NDRG4: variants seen among roughly 807,000 people sequenced by gnomAD.
The protein encoded by NDRG4 is protein NDRG4.
A neutral mutation model predicts 55.8 loss-of-function variants in NDRG4; 38 were observed. The ratio of observed to expected loss-of-function variants is 0.68; its 90% CI spans 0.53 to 0.89. The LOEUF is 0.89. Among genes scored for constraint, NDRG4 ranks in the 40% least tolerant of loss-of-function variants. NDRG4 has a pLI of 0.00. For synonymous variants in NDRG4, 190 were observed against 182.7 expected (o/e 1.04, Z -0.32); for missense variants, 455 against 468.6 (o/e 0.97, Z 0.27).
intron 10 of NDRG4, among the ~76,000 whole-genome samples, chr16:58,508,413 C>T (rs761734369): frequency 1.3e-5 from 2 of 152,220 alleles, no homozygotes; most frequent in East Asian, 1.9e-4. Context: ...GTTTGGGGGC[C>T]GTGTGTCACC....
chr16:58,464,090 C>G lies in NDRG4; in HGVS notation c.-24+293C>G. 3.8e-6 allele frequency: 1 copy of G among 266,492 alleles called. No homozygotes were observed. The highest frequency in any genetic ancestry group is 7.0e-6 in the Non-Finnish European group (1 of 142,602). 16.5% of individuals were successfully genotyped at this position (266,492 alleles called of 1,614,324 possible). A position where few individuals can be genotyped will look rare whatever the true frequency, so the allele number is the denominator to read the frequency against. On this transcript the variant is annotated intron_variant, in intron 1 of 15. Coordinates refer to the NDRG4 transcript ENST00000258187. This position sits in a 1 kb window ranked among gnomAD's most constrained non-coding sequence, Gnocchi z 4.8. ...CCGCGACGCCCGGAGGCGGCGGGGT[C>G]TCTTTGTTCGGGCGGCGGGCACGGG...
At chr16:58,494,726 G>A (rs571715484) in intron 2 of NDRG4, among the ~76,000 whole-genome samples, 4 of 151,740 alleles carry the variant, frequency 2.6e-5, no homozygotes, top group Admixed American at 6.6e-5. Context: ...CAGCGCTTTA[G>A]GAGGCCAAGA....
intron 13 of NDRG4, 62 bp from the exon 14 acceptor site, chr16:58,510,583 C>T (rs1032420773): frequency 1.4e-6 from 2 of 1,404,836 alleles, no homozygotes; most frequent in African/African-American, 2.8e-5. Flanking sequence ...GCGGACCACG[C>T]TCTTCACTGT....
At chr16:58,478,078 C>T (rs1341052598) in intron 1 of NDRG4, among the ~76,000 whole-genome samples, 3 of 152,178 alleles carry the variant, frequency 2.0e-5, no homozygotes, top group Non-Finnish European at 4.4e-5. Context: ...TACTGACTAA[C>T]TGGCCAGTAC....
At chr16:58,470,008 TTTTC>T (rs2032464559) in intron 1 of NDRG4, among the ~76,000 whole-genome samples, 1 of 152,200 alleles carries the variant, frequency 6.6e-6, no homozygotes, top group Non-Finnish European at 1.5e-5. Context: ...GTTAGAAACA[TTTTC>T]TTTCAGTGTC....
rs568911008 is a variant in NDRG4 at position 58,468,840 on chromosome 16, G to T, written c.-24+5043G>T. On this transcript the variant is annotated intron_variant, in intron 1 of 15. Coordinates refer to the NDRG4 transcript ENST00000258187. ...TTCCTGGTGCCTTCGGTAGCCGGAT[G>T]ATTTTTTTATTTTTTAGTGTGATAT... 2.0e-5 allele frequency among the ~76,000 whole-genome samples: 3 copies of T among 152,292 alleles called. No homozygotes were observed. The South Asian group carries it at 6.2e-4, about 32-fold the overall frequency.
intron 1 of NDRG4, among the ~76,000 whole-genome samples, chr16:58,486,528 T>A (rs1307503223): frequency 6.6e-6 from 1 of 152,154 alleles, no homozygotes; most frequent in African/African-American, 2.4e-5. Context: ...TTTCCATGTA[T>A]GTACTGGCCA....
chr16:58,465,207 C>A, intron 1 of NDRG4: 1 of 834,806 alleles, frequency 1.2e-6, no homozygotes, highest in Non-Finnish European at 1.7e-6. Flanking sequence ...GGTGCTCCAT[C>A]CGTGTATGTC....
upstream of NDRG4, chr16:58,495,361 G>A (rs1367148656): frequency 1.7e-5 from 4 of 238,362 alleles, no homozygotes; most frequent in East Asian, 2.5e-4. Context: ...AACTGAAAGC[G>A]CCCTTTGTTT....
chr16:58,477,922 C>T (rs1004644340), intron 1 of NDRG4, among the ~76,000 whole-genome samples: 9 of 152,184 alleles, frequency 5.9e-5, no homozygotes, highest in Non-Finnish European at 1.2e-4. Flanking sequence ...TCAAGGTTAA[C>T]GTCCTCTGTA....
At chr16:58,496,537 C>T (rs925579450), upstream of NDRG4, among the ~76,000 whole-genome samples, 1 of 151,942 alleles carries the variant, frequency 6.6e-6, no homozygotes, top group African/African-American at 2.4e-5. Flanking sequence ...CCCCTGCCTC[C>T]GTGGGGGCAG....
At chr16:58,514,942 T>C (rs1481837558), downstream of NDRG4, among the ~76,000 whole-genome samples, 4 of 152,146 alleles carry the variant, frequency 2.6e-5, no homozygotes, top group African/African-American at 7.2e-5. Context: ...ATTGAGTCCC[T>C]ACTATGTCAG....
At position 58,503,847 on chromosome 16, in the gene NDRG4, G is replaced by A. The variant is rs2037480196; in HGVS notation, c.71G>A (p.Gly24Asp). ...PYGLLHVVIR[G>D]SPKGNRPAIL... ...GGCCTTCTGCATGTAGTGATCCGGG[G>A]CTCCCCCAAGGGGAACCGCCCAGCC... is the stretch of plus-strand genomic sequence containing the variant. Residue 24 changes from glycine to aspartate, a missense_variant, in exon 2 of 15, where the codon GGC becomes GAC. Physicochemically the swap from Gly to Asp is moderately conservative, Grantham distance 94. Coordinates refer to ENST00000570248, the MANE Select transcript of NDRG4 (RefSeq NM_001242835.2). 49 of 1,613,924 alleles carry A rather than the reference G, an allele frequency of 3.0e-5. No individual in the cohort carries two copies. The highest frequency in any genetic ancestry group is 4.1e-5 in the Non-Finnish European group (48 of 1,179,988).
At chr16:58,509,456 T>G in intron 13 of NDRG4, 104 bp downstream of exon 13, 1 of 1,222,636 alleles carries the variant, frequency 8.2e-7, no homozygotes, top group Non-Finnish European at 1.2e-6. Context: ...TGTCAGGTGG[T>G]AGTAGGGAGC....
downstream of NDRG4, among the ~76,000 whole-genome samples, chr16:58,514,057 C>T (rs1167192760): frequency 2.0e-5 from 3 of 152,238 alleles, no homozygotes; most frequent in Admixed American, 2.0e-4. Flanking sequence ...TGAGTCACTA[C>T]ATTCCTTCAA....
chr16:58,511,252 G>A (rs2038764207), intron 14 of NDRG4, 170 bp from the exon 15 acceptor site: 1 of 730,988 alleles, frequency 1.4e-6, no homozygotes, highest in African/African-American at 1.8e-5. Flanking sequence ...ACTGTCGCCG[G>A]CCCTGCATGC....
chr16:58,498,127 CAG>C (rs922727032), upstream of NDRG4, among the ~76,000 whole-genome samples: 49 of 151,958 alleles, frequency 3.2e-4, no homozygotes, highest in East Asian at 1.9e-4. Flanking sequence ...AGAGGCCACT[CAG>C]GGGTCAGAGG....
At chr16:58,509,997 C>T (rs1346706675) in intron 13 of NDRG4, among the ~76,000 whole-genome samples, 1 of 152,192 alleles carries the variant, frequency 6.6e-6, no homozygotes, top group East Asian at 1.9e-4. Flanking sequence ...TTCCCCCTTC[C>T]CTCCAAGACA....
Position 58,506,858 on chromosome 16 carries a change from C to A in NDRG4, c.517-54C>A, listed in dbSNP as rs2038099814. On this transcript the variant is annotated intron_variant, in intron 7 of 14. Coordinates refer to ENST00000570248, the MANE Select transcript of NDRG4 (RefSeq NM_001242835.2). Reference sequence around the variant, plus strand: ...TGACATCTGCCAGCCCCCTCTAAGCCTGCGTCCCTCTGTCTGCCCCTCTGC... The same window carrying A: ...TGACATCTGCCAGCCCCCTCTAAGCATGCGTCCCTCTGTCTGCCCCTCTGC... 13 of 1,521,704 alleles carry A rather than the reference C, an allele frequency of 8.5e-6. 1 individual carries two copies. The highest frequency in any genetic ancestry group is 3.4e-4 in the Middle Eastern group (2 of 5,876). 94.3% of individuals were successfully genotyped at this position (1,521,704 alleles called of 1,614,324 possible).
Sources: allele counts gnomAD v4.1 joint callset (sites outside exome capture counted in the v4.1 genomes callset), GRCh38; gene constraint gnomAD v4.1.1; non-coding constraint Gnocchi (gnomAD v3.1); transcripts MANE v1.5; gene names NCBI Gene and HGNC (gene_info 2026-07-23, HGNC 2026-07-21).